Variants in NCOR2 observed in about 807,000 individuals in gnomAD.
NCOR2 encodes CTG repeat protein 26.
NCOR2 carries 81 observed loss-of-function variants against 262.9 expected under a neutral mutation model. The ratio of observed to expected loss-of-function variants is 0.31; its 90% confidence interval spans 0.26 to 0.37. The LOEUF (loss-of-function observed/expected upper bound fraction) is 0.37. Among genes scored for constraint, NCOR2 ranks in the 10% least tolerant of loss-of-function variants. The pLI, the probability that NCOR2 is intolerant of heterozygous loss-of-function variation, is 1.00. For synonymous variants in NCOR2, 1,659 were observed against 1,559.3 expected, an observed-to-expected ratio of 1.06 and a Z score of -1.51; for missense variants, 3,385 against 3,621.4, an observed-to-expected ratio of 0.93 and a Z score of 1.68.
intron 6 of NCOR2, among the ~76,000 whole-genome samples, chr12:124,452,035 A>G (rs1278148594): frequency 6.6e-6 from 1 of 152,158 alleles, no homozygotes; most frequent in Non-Finnish European, 1.5e-5. Context: ...TGCAGCTGCC[A>G]TGGGCCATTT....
intron 33 of NCOR2, 81 bp downstream of exon 35, chr12:124,342,924 G>A (rs2036580279): frequency 6.8e-7 from 1 of 1,466,328 alleles, no homozygotes; most frequent in East Asian, 2.4e-5. Flanking sequence ...TGATGCCTAA[G>A]GAGTCCCTGA....
intron 37 of NCOR2, 114 bp downstream of exon 39, chr12:124,339,892 T>TTC: frequency 3.0e-6 from 2 of 672,816 alleles, no homozygotes; most frequent in South Asian, 1.8e-5. Context: ...CCCACACATC[T>TTC]GCCCACCCAC....
Position 124,483,524 on chromosome 12 carries a change from C to T in NCOR2, c.411+72G>A. The stretch of plus-strand genomic sequence containing the variant: ...CCCCTCCCTGCACCCCTACCCACCA[C>T]CTCCCACCCAGCCCAACCAGCAGCA... On this transcript the variant is annotated intron_variant, in intron 3 of 46. Coordinates refer to ENST00000405201, the Ensembl canonical transcript of NCOR2. The surrounding 1 kb of genome is among the most constrained non-coding windows in gnomAD (Gnocchi z 6.3). The T allele has an allele frequency of 2.1e-6, 3 of 1,430,940 alleles. No homozygotes were observed. Among genetic ancestry groups the T allele is most frequent in the Non-Finnish European group, 2.8e-6 (3 of 1,081,884 alleles). 88.6% of individuals were successfully genotyped at this position (1,430,940 alleles called of 1,614,324 possible). A position where few individuals can be genotyped will look rare whatever the true frequency, so the allele number is the denominator to read the frequency against.
intron 7 of NCOR2, among the ~76,000 whole-genome samples, chr12:124,444,248 G>A (rs2045005509): frequency 6.6e-6 from 1 of 152,312 alleles, no homozygotes; most frequent in East Asian, 1.9e-4. Context: ...GGCTCTGGAG[G>A]CATGGGGTAA....
At chr12:124,467,842 A>C (rs1593681225) in intron 4 of NCOR2, among the ~76,000 whole-genome samples, 4 of 39,680 alleles carry the variant, frequency 1.0e-4, no homozygotes, top group Non-Finnish European at 1.4e-4. Context: ...CATCCTCATC[A>C]CCCCTTCATC....
chr12:124,335,093 A>G, intron 40 of NCOR2, 42 bp downstream of exon 42: 2 of 1,612,060 alleles, frequency 1.2e-6, no homozygotes, highest in Non-Finnish European at 1.7e-6. Context: ...TGGTGCCCCC[A>G]GGTGCAAAGG....
At chr12:124,474,543 G>C (rs548442922) in intron 3 of NCOR2, among the ~76,000 whole-genome samples, 1 of 152,254 alleles carries the variant, frequency 6.6e-6, no homozygotes, top group South Asian at 2.1e-4. Flanking sequence ...AAGGAGGTTA[G>C]AAAAAACAAC....
At chr12:124,367,342 C>G (rs79414522) in intron 20 of NCOR2, among the ~76,000 whole-genome samples, 1,995 of 152,264 alleles carry the variant, frequency 0.013, 56 homozygotes, top group East Asian at 0.11. Flanking sequence ...CATGGAGGTA[C>G]CACTTTATAG....
chr12:124,391,013 C>T (rs1374094051), intron 16 of NCOR2, among the ~76,000 whole-genome samples: 2 of 152,248 alleles, frequency 1.3e-5, no homozygotes, highest in African/African-American at 2.4e-5. Flanking sequence ...CATGGGGCAG[C>T]GTCCCACATG....
intron 15 of NCOR2, among the ~76,000 whole-genome samples, chr12:124,399,907 C>T (rs149681898): frequency 5.3e-5 from 8 of 152,212 alleles, no homozygotes; most frequent in Non-Finnish European, 8.8e-5. Context: ...GGGATGAACA[C>T]CCTTCTCAAC....
intron 1 of NCOR2, among the ~76,000 whole-genome samples, chr12:124,487,026 G>A (rs1234322663): frequency 6.6e-6 from 1 of 152,230 alleles, no homozygotes; most frequent in Non-Finnish European, 1.5e-5. Flanking sequence ...CTGCCAGGCT[G>A]TGGGTCCCTC....
At position 124,483,887 on chromosome 12, in the gene NCOR2, C is replaced by T; in HGVS notation, c.234-114G>A. ...ACTGCGCGCCGTGCTCTGTATGATC[C>T]TGCCAGGAAGGTGCTCACAGGAGCC... On this transcript the variant is annotated intron_variant, in intron 2 of 46. Transcript: ENST00000405201. The surrounding 1 kb of genome is among the most constrained non-coding windows in gnomAD (Gnocchi z 6.3). 7.8e-7 allele frequency: 1 copy of T among 1,277,034 alleles called. No individual in the cohort carries two copies. Among genetic ancestry groups the T allele is most frequent in the South Asian group, 1.7e-5 (1 of 58,606 alleles). The allele number at this position is 1,277,034 out of a possible 1,614,324, so 79.1% of individuals were successfully genotyped here. A position where few individuals can be genotyped will look rare whatever the true frequency, so the allele number is the denominator to read the frequency against.
intron 1 of NCOR2, among the ~76,000 whole-genome samples, chr12:124,501,543 G>A (rs553243083): frequency 3.3e-5 from 5 of 152,136 alleles, no homozygotes; most frequent in Admixed American, 2.0e-4. Context: ...TGGTGGCCCC[G>A]GCAACCCCCG....
intron 21 of NCOR2, 79 bp downstream of exon 23, chr12:124,363,600 C>G: frequency 8.0e-7 from 1 of 1,251,228 alleles, no homozygotes; most frequent in South Asian, 3.1e-5. Context: ...ATGCTCCCGC[C>G]CGTGGGATTC....
intron 20 of NCOR2, among the ~76,000 whole-genome samples, chr12:124,367,994 G>T (rs1321105387): frequency 6.6e-6 from 1 of 152,212 alleles, no homozygotes; most frequent in Admixed American, 6.5e-5. Flanking sequence ...GGCCTGGGTG[G>T]GGCGGGGACT....
intron 6 of NCOR2, among the ~76,000 whole-genome samples, chr12:124,451,460 A>C (rs1207660156): frequency 6.6e-6 from 1 of 152,214 alleles, no homozygotes; most frequent in Non-Finnish European, 1.5e-5. Context: ...ACATTTGCCC[A>C]CAGCTGGTAA....
At chr12:124,479,493 A>G (rs1056396298) in intron 3 of NCOR2, among the ~76,000 whole-genome samples, 5 of 151,506 alleles carry the variant, frequency 3.3e-5, no homozygotes, top group Non-Finnish European at 5.9e-5. Context: ...ACACACAGGC[A>G]CATGCGCGCA....
At position 124,454,201 on chromosome 12, in the gene NCOR2, G is replaced by A. The variant is rs2045712383; in HGVS notation, c.762+2905C>T. ...CGCCTCATCTCTTGCTGTGTGGCCC[G>A]GCACAAGGCACTCCTCTCACTGAGC... is the stretch of plus-strand genomic sequence containing the variant. On this transcript the variant is annotated intron_variant, in intron 6 of 46. Transcript: ENST00000405201. This position sits in a 1 kb window ranked among gnomAD's most constrained non-coding sequence, Gnocchi z 5.6. Among the ~76,000 whole-genome samples, 3 of 152,132 alleles carry A rather than the reference G, an allele frequency of 2.0e-5. No homozygotes were observed. The highest frequency in any genetic ancestry group is 1.3e-4 in the Admixed American group (2 of 15,274).
rs557632521 is a variant in NCOR2 at position 124,519,422 on chromosome 12, C to T, written c.-118+16143G>A. Among the ~76,000 whole-genome samples, 168 of 152,294 alleles carry T rather than the reference C, an allele frequency of 1.1e-3. 2 individuals are homozygous for T. The highest frequency in any genetic ancestry group is 6.5e-3 in the Admixed American group (100 of 15,302). On this transcript the variant is annotated intron_variant, in intron 1 of 46. Coordinates refer to the NCOR2 transcript ENST00000404621. ...GAATGTGTCCCTGGACAGCAGCCCA[C>T]ATGATGACAAGGGTCTGGGGGTGCA...
Sources: allele counts gnomAD v4.1 joint callset (sites outside exome capture counted in the v4.1 genomes callset), GRCh38; gene constraint gnomAD v4.1.1; non-coding constraint Gnocchi (gnomAD v3.1); transcripts MANE v1.5; gene names NCBI Gene and HGNC (gene_info 2026-07-23, HGNC 2026-07-21).